The following LPAR3 variants were observed in gnomAD, a reference collection of about 807,000 sequenced individuals.
LPAR3 encodes LPA receptor 3.
A neutral mutation model predicts 17.8 loss-of-function variants in LPAR3; 7 were observed. The ratio of observed to expected loss-of-function variants is 0.39; its 90% confidence interval spans 0.22 to 0.74. The LOEUF (loss-of-function observed/expected upper bound fraction) is 0.74, where lower values mean the gene tolerates loss of function less well. LPAR3 is among the 30% of genes least tolerant of loss of function. LPAR3 has a pLI of 0.40. For synonymous variants in LPAR3, 179 were observed against 179.9 expected, an observed-to-expected ratio of 0.99 and a Z score of 0.04; for missense variants, 391 against 453.4, an observed-to-expected ratio of 0.86 and a Z score of 1.25.
intron 2 of LPAR3, among the ~76,000 whole-genome samples, chr1:84,829,356 C>A (rs1659238077): frequency 6.6e-6 from 1 of 151,554 alleles, no homozygotes; most frequent in Admixed American, 6.6e-5. Flanking sequence ...GAATGGGGCC[C>A]AAGAATTTGA....
chr1:84,825,617 T>C (rs1659141143), intron 2 of LPAR3, among the ~76,000 whole-genome samples: 1 of 152,238 alleles, frequency 6.6e-6, no homozygotes, highest in South Asian at 2.1e-4. Flanking sequence ...TCCAGTACTG[T>C]ACTTTATCTC....
At chr1:84,872,076 T>C (rs541604427) in intron 1 of LPAR3, among the ~76,000 whole-genome samples, 16 of 152,316 alleles carry the variant, frequency 1.1e-4, no homozygotes, top group Non-Finnish European at 1.5e-4. Flanking sequence ...TTTCAGATTT[T>C]CCTTGTTTTT....
intron 1 of LPAR3, among the ~76,000 whole-genome samples, chr1:84,868,965 T>C (rs985944049): frequency 4.6e-5 from 7 of 152,194 alleles, no homozygotes; most frequent in African/African-American, 1.2e-4. Context: ...ATAATGTATA[T>C]ATTTTACTTT....
chr1:84,825,716 T>C (rs1659142648), intron 2 of LPAR3, among the ~76,000 whole-genome samples: 1 of 152,198 alleles, frequency 6.6e-6, no homozygotes, highest in African/African-American at 2.4e-5. Flanking sequence ...TGTTTAAAAA[T>C]GTTGCCAGGT....
At chr1:84,839,034 T>C (rs961986535) in intron 2 of LPAR3, among the ~76,000 whole-genome samples, 2 of 152,236 alleles carry the variant, frequency 1.3e-5, no homozygotes, top group Non-Finnish European at 2.9e-5. Context: ...CTTACACTTA[T>C]TGTGCAGGGT....
intron 2 of LPAR3, among the ~76,000 whole-genome samples, chr1:84,838,153 G>A (rs921557821): frequency 1.3e-5 from 2 of 152,150 alleles, no homozygotes; most frequent in African/African-American, 4.8e-5. Flanking sequence ...GGGAGTTGGG[G>A]ACAAGCAGGG....
At chr1:84,891,160 T>TAAAAA (rs546045989) in intron 1 of LPAR3, among the ~76,000 whole-genome samples, 34,715 of 144,094 alleles carry the variant, frequency 0.24, 4,260 homozygotes, top group East Asian at 0.36. Context: ...TCTGATCTGA[T>TAAAAA]AAAAAAAAAA....
intron 2 of LPAR3, among the ~76,000 whole-genome samples, chr1:84,860,785 C>G (rs1277027053): frequency 7.3e-6 from 1 of 137,908 alleles, no homozygotes; most frequent in African/African-American, 2.8e-5. Context: ...GTCACCCAGG[C>G]TGGAGTGCGG....
chr1:84,889,238 G>C (rs903235448), intron 1 of LPAR3, among the ~76,000 whole-genome samples: 1 of 152,194 alleles, frequency 6.6e-6, no homozygotes. Context: ...AGGACAGGTA[G>C]AGAGCAACAA....
chr1:84,834,646 T>C (rs1570868490), intron 2 of LPAR3, among the ~76,000 whole-genome samples: 1 of 152,346 alleles, frequency 6.6e-6, no homozygotes. Context: ...CATACCCATG[T>C]AATTGAAGTA....
chr1:84,834,665 T>C (rs1165974443), intron 2 of LPAR3, among the ~76,000 whole-genome samples: 5 of 152,232 alleles, frequency 3.3e-5, no homozygotes. Flanking sequence ...TATTTAATGT[T>C]TGTGCCTAGC....
intron 1 of LPAR3, among the ~76,000 whole-genome samples, chr1:84,879,151 T>C (rs190945615): frequency 3.3e-5 from 5 of 152,212 alleles, no homozygotes; most frequent in African/African-American, 1.2e-4. Flanking sequence ...ATGCAATGGG[T>C]GGTATGACAC....
intron 1 of LPAR3, among the ~76,000 whole-genome samples, chr1:84,885,207 C>A (rs1660435655): frequency 6.6e-6 from 1 of 152,186 alleles, no homozygotes; most frequent in South Asian, 2.1e-4. Flanking sequence ...CTCTCCACAA[C>A]AGAGAAGTAT....
chr1:84,837,790 A>T (rs1659434170), intron 2 of LPAR3, among the ~76,000 whole-genome samples: 1 of 152,192 alleles, frequency 6.6e-6, no homozygotes, highest in Non-Finnish European at 1.5e-5. Flanking sequence ...TTTCTGGACC[A>T]CTGCAAAATC....
intron 2 of LPAR3, among the ~76,000 whole-genome samples, chr1:84,848,113 A>G (rs1429431371): frequency 6.6e-6 from 1 of 151,914 alleles, no homozygotes; most frequent in Non-Finnish European, 1.5e-5. Flanking sequence ...CCTTCCCTCT[A>G]CTGAACTGTC....
intron 2 of LPAR3, among the ~76,000 whole-genome samples, chr1:84,859,881 G>C (rs1395640731): frequency 1.3e-5 from 2 of 152,216 alleles, no homozygotes; most frequent in Non-Finnish European, 2.9e-5. Flanking sequence ...TTCACATGGT[G>C]TGTTGTTTGA....
intron 2 of LPAR3, among the ~76,000 whole-genome samples, chr1:84,850,180 C>A (rs1331999630): frequency 6.6e-6 from 1 of 151,836 alleles, no homozygotes; most frequent in Non-Finnish European, 1.5e-5. Flanking sequence ...AACAAAAGAC[C>A]CACAAATTAT....
chr1:84,891,811 G>A (rs767177379), intron 1 of LPAR3, among the ~76,000 whole-genome samples: 3 of 152,164 alleles, frequency 2.0e-5, no homozygotes, highest in Non-Finnish European at 4.4e-5. Flanking sequence ...TTTCTAAACG[G>A]CATCTCAAGA....
At chr1:84,856,568 T>C (rs997660899) in intron 2 of LPAR3, among the ~76,000 whole-genome samples, 2 of 152,134 alleles carry the variant, frequency 1.3e-5, no homozygotes, top group African/African-American at 4.8e-5. Context: ...CTCTCTCTCT[T>C]TTTTAATGGA....
Sources: allele counts gnomAD v4.1 joint callset (sites outside exome capture counted in the v4.1 genomes callset), GRCh38; gene constraint gnomAD v4.1.1; transcripts MANE v1.5; gene names NCBI Gene and HGNC (gene_info 2026-07-23, HGNC 2026-07-21).